The following CTSO variants were observed in gnomAD, a reference collection of about 807,000 sequenced individuals.
CTSO encodes cathepsin O.
Under a neutral mutation model 42.4 loss-of-function variants are expected in CTSO, and 40 were observed. The ratio of observed to expected loss-of-function variants is 0.94; its 90% confidence interval spans 0.73 to 1.23. The LOEUF is 1.23. Among genes scored for constraint, CTSO ranks in the 50% most tolerant of loss-of-function variants. The pLI, the probability that CTSO is intolerant of heterozygous loss-of-function variation, is 0.00. For synonymous variants in CTSO, 156 were observed against 146.2 expected, an observed-to-expected ratio of 1.07 and a Z score of -0.48; for missense variants, 441 against 396.0, an observed-to-expected ratio of 1.11 and a Z score of -0.96.
At chr4:155,935,214 T>C (rs1283889242) in intron 5 of CTSO, among the ~76,000 whole-genome samples, 2 of 152,212 alleles carry the variant, frequency 1.3e-5, no homozygotes, top group Non-Finnish European at 2.9e-5. Context: ...TAGTGCCTTT[T>C]ACCTCCTGCC....
intron 5 of CTSO, among the ~76,000 whole-genome samples, chr4:155,936,966 C>G (rs1049549569): frequency 6.6e-6 from 1 of 152,060 alleles, no homozygotes; most frequent in Non-Finnish European, 1.5e-5. Context: ...CAAAGCAATT[C>G]TGGATGGACT....
At chr4:155,952,185 T>A (rs1469805504) in intron 1 of CTSO, among the ~76,000 whole-genome samples, 2 of 152,208 alleles carry the variant, frequency 1.3e-5, no homozygotes, top group Admixed American at 1.3e-4. Flanking sequence ...AGAGTCTTCA[T>A]AATTCGATCC....
intron 1 of CTSO, among the ~76,000 whole-genome samples, chr4:155,947,865 A>T (rs1041617314): frequency 6.6e-6 from 1 of 152,228 alleles, no homozygotes; most frequent in African/African-American, 2.4e-5. Flanking sequence ...AGTCATATAA[A>T]ATATTAAAGA....
chr4:155,946,753 C>T (rs950541289), intron 1 of CTSO, among the ~76,000 whole-genome samples: 9 of 152,320 alleles, frequency 5.9e-5, no homozygotes, highest in Non-Finnish European at 1.2e-4. Flanking sequence ...TGCTCTGCTT[C>T]GTCCTCTCCC....
rs780700181 is a variant in CTSO at position 155,925,746 on chromosome 4, C to T, written c.*290G>A. 7.3e-5 allele frequency: 28 copies of T among 384,650 alleles called. No homozygotes were observed. Among genetic ancestry groups the T allele is most frequent in the Non-Finnish European group, 1.0e-4 (23 of 219,272 alleles). The allele number at this position is 384,650 out of a possible 1,614,324, so 23.8% of individuals were successfully genotyped here. A position where few individuals can be genotyped will look rare whatever the true frequency, so the allele number is the denominator to read the frequency against. Reference sequence around the variant, plus strand: ...AACAAAAACAAACAGTAGCCTTCCCCAGTTGCAGGGGCCTAAAATATCTCC... The same window carrying T: ...AACAAAAACAAACAGTAGCCTTCCCTAGTTGCAGGGGCCTAAAATATCTCC... On this transcript the variant is annotated 3_prime_UTR_variant, in exon 8 of 8. Coordinates refer to ENST00000433477, the MANE Select transcript of CTSO (RefSeq NM_001334.3).
chr4:155,944,332 T>C (rs1560789829), intron 1 of CTSO, among the ~76,000 whole-genome samples: 1 of 152,236 alleles, frequency 6.6e-6, no homozygotes, highest in Non-Finnish European at 1.5e-5. Flanking sequence ...AACAAATTAA[T>C]AAAGTTTTTG....
chr4:155,942,737 A>G (rs1420611883), intron 2 of CTSO, among the ~76,000 whole-genome samples: 1 of 152,054 alleles, frequency 6.6e-6, no homozygotes, highest in Non-Finnish European at 1.5e-5. Flanking sequence ...TAAAAACTAC[A>G]AAAGAGAATT....
At chr4:155,928,231 A>C (rs571350037) in intron 7 of CTSO, 105 bp downstream of exon 7, 2 of 732,832 alleles carry the variant, frequency 2.7e-6, no homozygotes, top group African/African-American at 3.6e-5. Flanking sequence ...TTAAAGGACA[A>C]AAATTATTAC....
intron 3 of CTSO, among the ~76,000 whole-genome samples, chr4:155,940,714 G>A (rs368533824): frequency 1.1e-4 from 17 of 151,970 alleles, no homozygotes; most frequent in Middle Eastern, 3.2e-3. Flanking sequence ...ATGGTGGTGC[G>A]CACCTGTAAT....
At position 155,924,422 on chromosome 4, in the gene CTSO, C is replaced by T. The variant is rs908633620; in HGVS notation, c.*1614G>A. On this transcript the variant is annotated 3_prime_UTR_variant, in exon 8 of 8. Coordinates refer to ENST00000433477, the MANE Select transcript of CTSO (RefSeq NM_001334.3). ...TTCTTTTCGGATTGGTTCTGACTGG[C>T]GTAAGAAGAGAAATACAGCATTTTG... is the stretch of plus-strand genomic sequence containing the variant. The T allele has an allele frequency of 3.3e-5, 5 of 151,976 alleles. No individual in the cohort carries two copies. The highest frequency in any genetic ancestry group is 9.7e-5 in the African/African-American group (4 of 41,392). 9.4% of individuals were successfully genotyped at this position (151,976 alleles called of 1,614,324 possible). A position where few individuals can be genotyped will look rare whatever the true frequency, so the allele number is the denominator to read the frequency against.
At chr4:155,931,701 TCAAA>T (rs1390578042) in intron 5 of CTSO, among the ~76,000 whole-genome samples, 11 of 152,100 alleles carry the variant, frequency 7.2e-5, no homozygotes, top group South Asian at 2.1e-4. Context: ...GGCTTTATTA[TCAAA>T]CATTGATTCC....
At chr4:155,952,125 T>A (rs959256759) in intron 1 of CTSO, among the ~76,000 whole-genome samples, 1 of 152,196 alleles carries the variant, frequency 6.6e-6, no homozygotes, top group Non-Finnish European at 1.5e-5. Flanking sequence ...CAGCAATTGC[T>A]TTGAAAATTT....
chr4:155,929,697 T>C lies in CTSO; in HGVS notation c.683A>G (p.Glu228Gly). The C allele has an allele frequency of 6.2e-7, 1 of 1,608,936 alleles. No homozygotes were observed. Among genetic ancestry groups the C allele is most frequent in the South Asian group, 1.1e-5 (1 of 89,782 alleles). The change falls in exon 6 of 8, where the codon GAA (glutamate) becomes GGA (glycine). Residue 228 changes from glutamate (E) to glycine (G), a missense_variant. Physicochemically the swap from Glu to Gly is moderately conservative, Grantham distance 98. Transcript: ENST00000433477. ...GYSAYDFSDQ[E>G]DEMAKALLTF... is the part of the protein sequence containing the mutation. ...AAGAAGTGCTTTTGCCATTTCATCT[T>C]CTTGGTCACTACCAAAAGAGGAAAT...
chr4:155,935,533 A>G (rs1297278377), intron 5 of CTSO, among the ~76,000 whole-genome samples: 2 of 152,048 alleles, frequency 1.3e-5, no homozygotes. Context: ...TCACTTGAAC[A>G]TAACCTTTTC....
intron 3 of CTSO, 91 bp from the exon 4 acceptor site, chr4:155,939,629 G>A: frequency 8.3e-7 from 1 of 1,205,398 alleles, no homozygotes; most frequent in Non-Finnish European, 1.1e-6. Flanking sequence ...AATCAAGTAA[G>A]GCTTCCAGAT....
At chr4:155,949,945 A>T (rs1268054820) in intron 1 of CTSO, among the ~76,000 whole-genome samples, 1 of 152,208 alleles carries the variant, frequency 6.6e-6, no homozygotes, top group Non-Finnish European at 1.5e-5. Flanking sequence ...ATCACTATCC[A>T]TTCTCAAATG....
intron 1 of CTSO, among the ~76,000 whole-genome samples, chr4:155,949,667 G>A (rs1161790824): frequency 1.3e-5 from 2 of 152,180 alleles, no homozygotes; most frequent in Non-Finnish European, 2.9e-5. Flanking sequence ...GTTCTCCTTA[G>A]GAGTGCTTTC....
chr4:155,937,918 T>A (rs1371381376), intron 4 of CTSO, among the ~76,000 whole-genome samples: 1 of 152,224 alleles, frequency 6.6e-6, no homozygotes, highest in Non-Finnish European at 1.5e-5. Context: ...GCCCAGCCTA[T>A]ACTTTGGGTT....
At chr4:155,944,419 A>C (rs537389484) in intron 1 of CTSO, among the ~76,000 whole-genome samples, 1 of 152,352 alleles carries the variant, frequency 6.6e-6, no homozygotes, top group East Asian at 1.9e-4. Flanking sequence ...TAGAACTAGA[A>C]TACAAGGTAA....
Sources: allele counts gnomAD v4.1 joint callset (sites outside exome capture counted in the v4.1 genomes callset), GRCh38; gene constraint gnomAD v4.1.1; transcripts MANE v1.5; gene names NCBI Gene and HGNC (gene_info 2026-07-23, HGNC 2026-07-21).